Variants in ZNF213 observed in about 807,000 individuals in gnomAD.
ZNF213 encodes putative transcription factor CR53.
A neutral mutation model predicts 46.0 loss-of-function variants in ZNF213; 32 were observed. The observed-to-expected ratio is 0.70, with a 90% CI of 0.52 to 0.93. The LOEUF (loss-of-function observed/expected upper bound fraction) is 0.93, where lower values mean the gene tolerates loss of function less well. Among genes scored for constraint, ZNF213 ranks in the 40% least tolerant of loss-of-function variants. The pLI is 0.00. For synonymous variants in ZNF213, 297 were observed against 271.0 expected (o/e 1.10, Z -0.94); for missense variants, 639 against 652.8 (o/e 0.98, Z 0.23).
At position 3,141,685 on chromosome 16, in the gene ZNF213, C is replaced by A. The variant is rs1957605984; in HGVS notation, c.*338C>A. 3.0e-6 allele frequency: 1 copy of A among 328,446 alleles called. No individual in the cohort carries two copies. The highest frequency in any genetic ancestry group is 8.3e-4 in the Middle Eastern group (1 of 1,212). 20.3% of individuals were successfully genotyped at this position (328,446 alleles called of 1,614,324 possible). A position where few individuals can be genotyped will look rare whatever the true frequency, so the allele number is the denominator to read the frequency against. ...AGGTCTAGGTCCCTTCCCAGAAGCC[C>A]CCGAGCCTCATTTGACTGTGTGGCT... On this transcript the variant is annotated 3_prime_UTR_variant, in exon 6 of 6. Coordinates refer to ENST00000396878, the MANE Select transcript of ZNF213 (RefSeq NM_004220.3).
chr16:3,141,566 T>C lies in ZNF213; in HGVS notation c.*219T>C. ...TCCCCTCCCGCCCCCGATCTTGTCC[T>C]CTTTCCCCCTTCTGCGCCTAGCGTT... On this transcript the variant is annotated 3_prime_UTR_variant, in exon 6 of 6. Coordinates refer to ENST00000396878, the MANE Select transcript of ZNF213 (RefSeq NM_004220.3). 1.9e-6 allele frequency: 1 copy of C among 538,940 alleles called. No individual in the cohort carries two copies. The highest frequency in any genetic ancestry group is 2.8e-5 in the South Asian group (1 of 35,282). The allele number at this position is 538,940 out of a possible 1,614,324, so 33.4% of individuals were successfully genotyped here.
In ZNF213 at chr16:3,141,131, G is replaced by A; in HGVS notation, c.1164G>A (p.Leu388=). ...AGAGCTTCAGCCGCAGCGCCTACCT[G>A]GCCGACCACCAGCGCATACACACGG... ...CGKSFSRSAY[L]ADHQRIHTGE... is the part of the protein sequence containing the mutation. The change falls in exon 6 of 6, where the codon CTG becomes CTA. Residue 388 remains leucine (L), a synonymous_variant. Coordinates refer to ENST00000396878, the MANE Select transcript of ZNF213 (RefSeq NM_004220.3). 6.2e-7 allele frequency: 1 copy of A among 1,612,670 alleles called. No individual in the cohort carries two copies. Among genetic ancestry groups the A allele is most frequent in the East Asian group, 2.2e-5 (1 of 44,858 alleles).
In ZNF213 at chr16:3,141,716, G is replaced by A. The variant is rs1268310339; in HGVS notation, c.*369G>A. The A allele has an allele frequency of 1.9e-4, 49 of 252,176 alleles. No homozygotes were observed. Among genetic ancestry groups the A allele is most frequent in the Non-Finnish European group, 1.9e-4 (25 of 132,272 alleles). The allele number at this position is 252,176 out of a possible 1,614,324, so 15.6% of individuals were successfully genotyped here. ...CCTCATTTGACTGTGTGGCTCTTTGGCCCCCACCCTGTGGGGTGGGTCCAT... is the reference window on the plus strand; with the variant it reads ...CCTCATTTGACTGTGTGGCTCTTTGACCCCCACCCTGTGGGGTGGGTCCAT... On this transcript the variant is annotated 3_prime_UTR_variant, in exon 6 of 6. Coordinates refer to ENST00000396878, the MANE Select transcript of ZNF213 (RefSeq NM_004220.3).
At position 3,138,501 on chromosome 16, in the gene ZNF213, G is replaced by C. The variant is rs1957567054; in HGVS notation, c.483G>C (p.Arg161=). 2 of 1,613,722 alleles carry C rather than the reference G, an allele frequency of 1.2e-6. No homozygotes were observed. The highest frequency in any genetic ancestry group is 2.2e-5 in the East Asian group (1 of 44,870). The part of the protein sequence containing the change: ...ATGPPPTVGA[R]RRPSVPQEQH... ...GGCCTCCCCCGACGGTGGGGGCACG[G>C]AGGCGGCCGTCTGTTCCCCAGGAGC... The change falls in exon 3 of 6, where the codon CGG becomes CGC. Residue 161 remains arginine, a synonymous_variant. Transcript: ENST00000396878.
rs1243650259 is a variant in ZNF213, at chr16:3,141,378, G to T, written c.*31G>T. 7 of 1,520,004 alleles carry T rather than the reference G, an allele frequency of 4.6e-6. No individual in the cohort carries two copies. The East Asian group carries it at 1.6e-4, about 35-fold the overall frequency. The allele number at this position is 1,520,004 out of a possible 1,614,324, so 94.2% of individuals were successfully genotyped here. A position where few individuals can be genotyped will look rare whatever the true frequency, so the allele number is the denominator to read the frequency against. On this transcript the variant is annotated 3_prime_UTR_variant, in exon 6 of 6. Transcript: ENST00000396878. ...TGGCTTGGCCGGAAACCCGGGGGAGGCCCAGCCACGGCACATCCTGCTTTG... is the reference window on the plus strand; with the variant it reads ...TGGCTTGGCCGGAAACCCGGGGGAGTCCCAGCCACGGCACATCCTGCTTTG...
Position 3,140,893 on chromosome 16 carries a change from G to A in ZNF213, c.926G>A (p.Arg309Gln), listed in dbSNP as rs377090397. The A allele has an allele frequency of 4.8e-4, 760 of 1,583,618 alleles. 3 individuals carry two copies. Among genetic ancestry groups the A allele is most frequent in the Non-Finnish European group, 4.4e-4 (514 of 1,167,792 alleles). Reference sequence around the variant, plus strand: ...CCACCCACTCGCCGGCGCCAGTTCCGGGACCTGGCAGCCGAGAAGCCGCAC... The same window carrying A: ...CCACCCACTCGCCGGCGCCAGTTCCAGGACCTGGCAGCCGAGAAGCCGCAC... ...GRPPTRRRQF[R>Q]DLAAEKPHSC... Residue 309 changes from arginine to glutamine, a missense_variant, in exon 6 of 6, where the codon CGG (arginine) becomes CAG (glutamine). Arg to Gln is a conservative substitution (Grantham distance 43). Coordinates refer to ENST00000396878, the MANE Select transcript of ZNF213 (RefSeq NM_004220.3).
intron 2 of ZNF213, 99 bp from the exon 3 acceptor site, chr16:3,138,319 C>A: frequency 2.6e-6 from 4 of 1,554,394 alleles, no homozygotes; most frequent in Non-Finnish European, 3.5e-6. Context: ...CACACCCCAG[C>A]ATCCTGAGGG....
rs894108550 is a variant in ZNF213, at chr16:3,139,322, C to A, written c.721+224C>A. On this transcript the variant is annotated intron_variant, in intron 5 of 5. Transcript: ENST00000396878. ...CCCAGCCCTGCAGTTGCTCTAAGGG[C>A]AACTTCTCCTTTGAGTCTCACAACC... is the stretch of plus-strand genomic sequence containing the variant. 3 of 586,836 alleles carry A rather than the reference C, an allele frequency of 5.1e-6. No homozygotes were observed. In the African/African-American group the frequency reaches 5.7e-5, roughly 11 times the overall value. 36.4% of individuals were successfully genotyped at this position (586,836 alleles called of 1,614,324 possible).
chr16:3,138,247 G>A, intron 2 of ZNF213, 171 bp from the exon 3 acceptor site: 1 of 1,303,584 alleles, frequency 7.7e-7, no homozygotes, highest in South Asian at 1.4e-5. Context: ...TGGGCACACA[G>A]CATTACCTGG....
chr16:3,138,788 G>A lies in ZNF213; in HGVS notation c.567G>A (p.Thr189=), dbSNP rs35931391. The change falls in exon 4 of 6, where the codon ACG becomes ACA. Residue 189 remains threonine (T), a synonymous_variant. Transcript: ENST00000396878. ...TTAAAGAGGGTCGTCCCGGAGAGAC[G>A]ACGGACACCTGCTTTGTCTCTGGGG... ...ALLKEGRPGE[T]TDTCFVSGVH... is the part of the protein sequence containing the mutation. 9.1e-3 allele frequency: 14,679 copies of A among 1,613,900 alleles called. 1,028 individuals are homozygous for A. The African/African-American group carries it at 0.16, about 18-fold the overall frequency.
At chr16:3,140,196 T>C (rs1351839938) in intron 5 of ZNF213, 2 of 152,716 alleles carry the variant, frequency 1.3e-5, no homozygotes, top group East Asian at 3.8e-4. Flanking sequence ...TTCAGACTGC[T>C]GCTCTGCCGA....
chr16:3,135,816 ATTTTCTTTTTAC>A (rs1234908422), intron 1 of ZNF213, among the ~76,000 whole-genome samples: 1 of 131,032 alleles, frequency 7.6e-6, no homozygotes, highest in Non-Finnish European at 1.7e-5. Context: ...TATTTTTTTC[ATTTTCTTTTTAC>A]TTTTCTTTTC....
intron 5 of ZNF213, 59 bp downstream of exon 5, chr16:3,139,157 G>A: frequency 6.3e-7 from 1 of 1,595,664 alleles, no homozygotes; most frequent in Non-Finnish European, 8.5e-7. Flanking sequence ...TGGAACTTCA[G>A]TCTTGTTTCC....
At chr16:3,136,168 C>T (rs2141531659) in intron 1 of ZNF213, among the ~76,000 whole-genome samples, 1 of 152,260 alleles carries the variant, frequency 6.6e-6, no homozygotes, top group Admixed American at 6.5e-5. Context: ...AAATCGATTA[C>T]TGAAAATTGC....
intron 4 of ZNF213, 78 bp from the exon 5 acceptor site, chr16:3,138,897 G>C: frequency 3.1e-6 from 5 of 1,613,604 alleles, no homozygotes; most frequent in African/African-American, 2.7e-5. Context: ...TGTCCCATCA[G>C]GCCTCTTTCA....
At position 3,141,336 on chromosome 16, in the gene ZNF213, C is replaced by T. The variant is rs1443286708; in HGVS notation, c.1369C>T (p.Pro457Ser). The change falls in exon 6 of 6, where the codon CCC (proline) becomes TCC (serine). Residue 457 changes from proline (P) to serine (S), a missense_variant. Physicochemically the swap from Pro to Ser is moderately conservative, Grantham distance 74. Coordinates refer to ENST00000396878, the MANE Select transcript of ZNF213 (RefSeq NM_004220.3). ...HQSLHAKMAQ[P>S]VG ...GAGCCTGCACGCCAAGATGGCCCAG[C>T]CCGTGGGGTGAGCAGCTGGCTTGGC... The T allele has an allele frequency of 1.9e-6, 3 of 1,553,630 alleles. No homozygotes were observed. Among genetic ancestry groups the T allele is most frequent in the Admixed American group, 3.7e-5 (2 of 54,720 alleles).
rs1957548992 is a variant in ZNF213, at chr16:3,137,228, A to C, written c.-53A>C. On this transcript the variant is annotated 5_prime_UTR_variant, in exon 2 of 6. Transcript: ENST00000396878. ...GATCCCTCTGGGAGACTGAAAGTAC[A>C]GGTTCTGGGGCCCAGGTTGAAGCCG... 5.3e-6 allele frequency: 8 copies of C among 1,523,200 alleles called. No homozygotes were observed. The South Asian group carries it at 1.1e-4, about 20-fold the overall frequency. The allele number at this position is 1,523,200 out of a possible 1,614,324, so 94.4% of individuals were successfully genotyped here.
At chr16:3,138,609 TGCC>T (rs1957568845) in intron 3 of ZNF213, 68 bp downstream of exon 3, 1 of 1,612,438 alleles carries the variant, frequency 6.2e-7, no homozygotes, top group East Asian at 2.2e-5. Flanking sequence ...TCACCGGCGT[TGCC>T]CTAAGGGTCA....
In ZNF213 at chr16:3,140,940, C is replaced by A. The variant is rs200585390; in HGVS notation, c.973C>A (p.Arg325Ser). ...GCACAGCTGCGGGCAGTGTGGAAAG[C>A]GCTTCCGCTGGGGCTCGGACCTGGC... Reference protein sequence around the residue: ...KPHSCGQCGKRFRWGSDLARH... With the variant: ...KPHSCGQCGKSFRWGSDLARH... The change falls in exon 6 of 6, where the codon CGC (arginine) becomes AGC (serine). Residue 325 changes from arginine (R) to serine (S), a missense_variant. Transcript: ENST00000396878. 6.3e-7 allele frequency: 1 copy of A among 1,599,222 alleles called. No individual in the cohort carries two copies.
Sources: gnomAD v4.1 joint callset for allele counts (sites outside exome capture counted in the v4.1 genomes callset) on GRCh38, gnomAD v4.1.1 for gene constraint, MANE v1.5 for transcripts, NCBI Gene and HGNC (gene_info 2026-07-23, HGNC 2026-07-21) for gene names.